SLC6A17: variants seen among roughly 807,000 people sequenced by gnomAD.
SLC6A17 encodes sodium-dependent neutral amino acid transporter SLC6A17.
SLC6A17 carries 21 observed loss-of-function variants against 64.5 expected under a neutral mutation model. The observed-to-expected ratio is 0.33, with a 90% CI of 0.23 to 0.47. The LOEUF is 0.47. Among genes scored for constraint, SLC6A17 ranks in the 20% least tolerant of loss-of-function variants. The pLI, the probability that SLC6A17 is intolerant of heterozygous loss-of-function variation, is 1.00. For synonymous variants in SLC6A17, 372 were observed against 399.5 expected, an observed-to-expected ratio of 0.93 and a Z score of 0.82; for missense variants, 682 against 963.2, an observed-to-expected ratio of 0.71 and a Z score of 3.86.
rs566308256 is a variant in SLC6A17 at position 110,192,107 on chromosome 1, G to A, written c.1000G>A (p.Ala334Thr). 4.3e-6 allele frequency: 7 copies of A among 1,614,168 alleles called. No homozygotes were observed. Among genetic ancestry groups the A allele is most frequent in the East Asian group, 2.2e-5 (1 of 44,884 alleles). The change falls in exon 7 of 12, where the codon GCC becomes ACC. Residue 334 changes from alanine to threonine, a missense_variant. Ala to Thr is a moderately conservative substitution (Grantham distance 58, BLOSUM62 0). Transcript: ENST00000331565. This position sits in a 1 kb window ranked among gnomAD's most constrained non-coding sequence, Gnocchi z 4.3. ...GGACAACAACTGCCACTTCGATGCC[G>A]CCCTGGTGTCCTTCATCAACTTCTT... Reference protein sequence around the residue: ...KQDNNCHFDAALVSFINFFTS... With the variant: ...KQDNNCHFDATLVSFINFFTS...
chr1:110,189,430 C>A (rs545873311), intron 6 of SLC6A17, among the ~76,000 whole-genome samples: 1 of 152,130 alleles, frequency 6.6e-6, no homozygotes, highest in African/African-American at 2.4e-5. Context: ...GTTTGTCCTG[C>A]GAAGATCTCT....
chr1:110,154,596 T>C (rs1385676121), intron 1 of SLC6A17, among the ~76,000 whole-genome samples: 1 of 152,224 alleles, frequency 6.6e-6, no homozygotes, highest in Non-Finnish European at 1.5e-5. Flanking sequence ...TGGTGCTTTC[T>C]TGTCCTTTCC....
Position 110,199,876 on chromosome 1 carries a change from G to C in SLC6A17, c.*1432G>C. On this transcript the variant is annotated 3_prime_UTR_variant, in exon 12 of 12. Coordinates refer to ENST00000331565, the MANE Select transcript of SLC6A17 (RefSeq NM_001010898.4). Reference sequence around the variant, plus strand: ...GGATGGATAGATGGATGGATGGGTTGGGGAGTGGGGGTGGATGGATGGATA... The same window carrying C: ...GGATGGATAGATGGATGGATGGGTTCGGGAGTGGGGGTGGATGGATGGATA... The C allele has an allele frequency of 2.5e-6, 1 of 393,608 alleles. No homozygotes were observed. Among genetic ancestry groups the C allele is most frequent in the Non-Finnish European group, 4.5e-6 (1 of 223,444 alleles). The allele number at this position is 393,608 out of a possible 1,614,324, so 24.4% of individuals were successfully genotyped here.
chr1:110,168,768 G>A (rs534099779), intron 2 of SLC6A17, among the ~76,000 whole-genome samples: 1 of 152,190 alleles, frequency 6.6e-6, no homozygotes, highest in African/African-American at 2.4e-5. Flanking sequence ...TGGGCACTTG[G>A]TGATGAATTC....
Position 110,199,877 on chromosome 1 carries a change from GGGA to G in SLC6A17, c.*1435_*1437del. The G allele has an allele frequency of 2.5e-6, 1 of 392,906 alleles. No individual in the cohort carries two copies. The highest frequency in any genetic ancestry group is 4.5e-6 in the Non-Finnish European group (1 of 223,004). 24.3% of individuals were successfully genotyped at this position (392,906 alleles called of 1,614,324 possible). On this transcript the variant is annotated 3_prime_UTR_variant, in exon 12 of 12. Coordinates refer to ENST00000331565, the MANE Select transcript of SLC6A17 (RefSeq NM_001010898.4). ...GATGGATAGATGGATGGATGGGTTGGGGAGTGGGGGTGGATGGATGGATAGATG... is the reference window on the plus strand; with the variant it reads ...GATGGATAGATGGATGGATGGGTTGGGTGGGGGTGGATGGATGGATAGATG...
chr1:110,167,093 T>C lies in SLC6A17; in HGVS notation c.164T>C (p.Leu55Pro), dbSNP rs150800582. 35 of 1,611,676 alleles carry C rather than the reference T, an allele frequency of 2.2e-5. No individual in the cohort carries two copies. In the African/African-American group the frequency reaches 4.7e-4, roughly 22 times the overall value. The stretch of plus-strand genomic sequence containing the variant: ...AAGCAGAAGGCGGTGGAGGAGGAGC[T>C]GGATGCAGAGGACCGGCCGGCCTGG... ...GGKQKAVEEE[L>P]DAEDRPAWNS... The change falls in exon 2 of 12, where the codon CTG becomes CCG. Residue 55 changes from leucine to proline, a missense_variant. This residue lies in a region of SLC6A17 where 415 missense variants were observed against 603.8 expected (regional missense o/e 0.69). Coordinates refer to ENST00000331565, the MANE Select transcript of SLC6A17 (RefSeq NM_001010898.4).
Position 110,172,375 on chromosome 1 carries a change from G to T in SLC6A17, c.444+158G>T, listed in dbSNP as rs4839206. The T allele has an allele frequency of 1.7e-5, 16 of 931,186 alleles. No individual in the cohort carries two copies. In the South Asian group the frequency reaches 2.9e-4, roughly 17 times the overall value. 57.7% of individuals were successfully genotyped at this position (931,186 alleles called of 1,614,324 possible). A position where few individuals can be genotyped will look rare whatever the true frequency, so the allele number is the denominator to read the frequency against. ...GGAATTACTCACAGCTGGGGTTCCAGGACCCCAGTCACCATGTTTCCTAAA... is the reference window on the plus strand; with the variant it reads ...GGAATTACTCACAGCTGGGGTTCCATGACCCCAGTCACCATGTTTCCTAAA... On this transcript the variant is annotated intron_variant, in intron 3 of 11. Coordinates refer to ENST00000331565, the MANE Select transcript of SLC6A17 (RefSeq NM_001010898.4).
intron 3 of SLC6A17, 67 bp from the exon 4 acceptor site, chr1:110,173,894 TGCTGGGCCTCGG>T: frequency 1.3e-6 from 2 of 1,508,852 alleles, no homozygotes; most frequent in Non-Finnish European, 8.9e-7. Flanking sequence ...GCTGCCGACG[TGCTGGGCCTCGG>T]GTGGAGCGTG....
In SLC6A17 at chr1:110,174,787, G is replaced by A. The variant is rs775924184; in HGVS notation, c.580G>A (p.Ala194Thr). 1.2e-6 allele frequency: 2 copies of A among 1,613,938 alleles called. No individual in the cohort carries two copies. The highest frequency in any genetic ancestry group is 1.3e-5 in the African/African-American group (1 of 75,038). The change falls in exon 5 of 12, where the codon GCA (alanine) becomes ACA (threonine). Residue 194 changes from alanine to threonine, a missense_variant. Physicochemically the swap from Ala to Thr is moderately conservative, Grantham distance 58. This residue lies in a region of SLC6A17 where 415 missense variants were observed against 603.8 expected (regional missense o/e 0.69). Transcript: ENST00000331565. ...CTTTGCTGCTATTTCAGTGGTGGAGGCAGAGTGTGAAAAGAGCTCAGCCAC... is the reference window on the plus strand; with the variant it reads ...CTTTGCTGCTATTTCAGTGGTGGAGACAGAGTGTGAAAAGAGCTCAGCCAC... The part of the protein sequence containing the change: ...VRNGSVAVVE[A>T]ECEKSSATTY...
At chr1:110,173,224 C>T (rs762673550) in intron 3 of SLC6A17, among the ~76,000 whole-genome samples, 1 of 152,254 alleles carries the variant, frequency 6.6e-6, no homozygotes, top group Non-Finnish European at 1.5e-5. Flanking sequence ...TGCTCCTGCA[C>T]ACATGTGCTC....
intron 11 of SLC6A17, among the ~76,000 whole-genome samples, 189 bp downstream of exon 11, chr1:110,197,788 G>T (rs1657011197): frequency 6.6e-6 from 1 of 152,252 alleles, no homozygotes; most frequent in Non-Finnish European, 1.5e-5. Flanking sequence ...CACAAACGGG[G>T]ACACCGAGGC....
At chr1:110,197,670 G>C in intron 11 of SLC6A17, 71 bp downstream of exon 11, 2 of 1,472,398 alleles carry the variant, frequency 1.4e-6, no homozygotes, top group Non-Finnish European at 1.8e-6. Flanking sequence ...CACTGATAGG[G>C]ATACACCTTT....
rs1437738764 is a variant in SLC6A17, at chr1:110,172,049, T to A, written c.287-11T>A. On this transcript the variant is annotated splice_polypyrimidine_tract_variant and intron_variant, in intron 2 of 11. Coordinates refer to ENST00000331565, the MANE Select transcript of SLC6A17 (RefSeq NM_001010898.4). Reference sequence around the variant, plus strand: ...CAGAGCCCCTCTGCCATCCCTCTGCTCTCCCCACAGGTGCTTACCTGGTGC... The same window carrying A: ...CAGAGCCCCTCTGCCATCCCTCTGCACTCCCCACAGGTGCTTACCTGGTGC... 5 of 1,613,456 alleles carry A rather than the reference T, an allele frequency of 3.1e-6. No homozygotes were observed. The highest frequency in any genetic ancestry group is 4.2e-6 in the Non-Finnish European group (5 of 1,179,804).
Position 110,194,316 on chromosome 1 carries a change from A to T in SLC6A17, c.1300-263A>T, listed in dbSNP as rs546975283. On this transcript the variant is annotated intron_variant, in intron 8 of 11. Transcript: ENST00000331565. ...AAACATGAGCATCTTCACTTGAATC[A>T]CCTAAGCTCCTGGTACAACCCGTAG... 5.9e-5 allele frequency among the ~76,000 whole-genome samples: 9 copies of T among 152,254 alleles called. No individual in the cohort carries two copies. The East Asian group carries it at 1.7e-3, about 29-fold the overall frequency.
intron 6 of SLC6A17, among the ~76,000 whole-genome samples, chr1:110,191,515 G>A (rs188448483): frequency 5.3e-5 from 8 of 152,192 alleles, no homozygotes; most frequent in East Asian, 3.9e-4. Flanking sequence ...TGGAGAAGGC[G>A]TCAGGGAGAT....
intron 6 of SLC6A17, among the ~76,000 whole-genome samples, chr1:110,189,330 C>A (rs1366170109): frequency 6.6e-6 from 1 of 152,184 alleles, no homozygotes; most frequent in Non-Finnish European, 1.5e-5. Context: ...TCTCCACCTG[C>A]TCAGGTATGC....
intron 3 of SLC6A17, 84 bp downstream of exon 3, chr1:110,172,301 G>T: frequency 6.7e-7 from 1 of 1,481,814 alleles, no homozygotes. Flanking sequence ...GAGTTTCCAG[G>T]CCAGAGTCCT....
At position 110,192,607 on chromosome 1, in the gene SLC6A17, T is replaced by C. The variant is rs1046961196; in HGVS notation, c.1208T>C (p.Met403Thr). 4.3e-6 allele frequency: 7 copies of C among 1,613,734 alleles called. No homozygotes were observed. The South Asian group carries it at 7.7e-5, about 18-fold the overall frequency. ...TCCCACCTGACCACAAAGGACTACA[T>C]GGAGATGTACAATGTCATCATGACC... is the stretch of plus-strand genomic sequence containing the variant. Reference protein sequence around the residue: ...NFSHLTTKDYMEMYNVIMTVK... With the variant: ...NFSHLTTKDYTEMYNVIMTVK... The change falls in exon 8 of 12, where the codon ATG becomes ACG. Residue 403 changes from methionine to threonine, a missense_variant. This residue lies in a region of SLC6A17 where 415 missense variants were observed against 603.8 expected (regional missense o/e 0.69). Coordinates refer to ENST00000331565, the MANE Select transcript of SLC6A17 (RefSeq NM_001010898.4). This position sits in a 1 kb window ranked among gnomAD's most constrained non-coding sequence, Gnocchi z 4.3.
chr1:110,172,549 C>G (rs931952488), intron 3 of SLC6A17: 15 of 221,192 alleles, frequency 6.8e-5, no homozygotes, highest in African/African-American at 3.4e-4. Flanking sequence ...ATGCCCTTCT[C>G]TGCTTATCAG....
Sources: allele counts gnomAD v4.1 joint callset (sites outside exome capture counted in the v4.1 genomes callset), GRCh38; gene constraint gnomAD v4.1.1; regional missense constraint gnomAD v4.1.1; non-coding constraint Gnocchi (gnomAD v3.1); transcripts MANE v1.5; gene names NCBI Gene and HGNC (gene_info 2026-07-23, HGNC 2026-07-21).